Variants in IMMP2L observed in about 807,000 individuals in gnomAD.
IMMP2L encodes mitochondrial inner membrane protease subunit 2.
Under a neutral mutation model 19.3 loss-of-function variants are expected in IMMP2L, and 18 were observed. The ratio of observed to expected loss-of-function variants is 0.93; its 90% CI spans 0.64 to 1.38. The LOEUF is 1.38. Ranked by LOEUF, IMMP2L falls within the 40% of genes most tolerant of loss-of-function variation. The probability of loss-of-function intolerance (pLI) is 0.00; values close to 1 mark genes in which losing one functional copy is unlikely to be tolerated. For synonymous variants in IMMP2L, 76 were observed against 73.0 expected, an observed-to-expected ratio of 1.04 and a Z score of -0.21; for missense variants, 233 against 218.2, an observed-to-expected ratio of 1.07 and a Z score of -0.43.
rs73203033 is a variant in IMMP2L, at chr7:111,542,695, A to G, written c.-3+19156T>C. On this transcript the variant is annotated intron_variant, in intron 1 of 5. Transcript: ENST00000405709. ...ATTTGGAAAAGTGTTCTGAATACAC[A>G]ATTAATTCAATCCACTATGTAAAAG... Among the ~76,000 whole-genome samples the G allele has an allele frequency of 8.3e-3, 1,261 of 152,302 alleles. 17 individuals carry two copies. The highest frequency in any genetic ancestry group is 0.031 in the Middle Eastern group (9 of 294).
intron 5 of IMMP2L, among the ~76,000 whole-genome samples, chr7:110,763,706 C>G (rs1253352339): frequency 6.6e-6 from 1 of 152,042 alleles, no homozygotes; most frequent in Non-Finnish European, 1.5e-5. Context: ...TGATTTAAAG[C>G]AGGGCAATAG....
chr7:110,891,913 A>C (rs891327786), intron 4 of IMMP2L, among the ~76,000 whole-genome samples: 1 of 152,166 alleles, frequency 6.6e-6, no homozygotes, highest in African/African-American at 2.4e-5. Flanking sequence ...AGTTCCAAAG[A>C]AAGAGAATAA....
intron 3 of IMMP2L, among the ~76,000 whole-genome samples, chr7:111,484,824 T>C (rs1842487456): frequency 6.6e-6 from 1 of 152,144 alleles, no homozygotes; most frequent in African/African-American, 2.4e-5. Context: ...GGTCTCACTG[T>C]CACCCAGGCT....
chr7:111,361,915 A>AT (rs372237241), intron 3 of IMMP2L, among the ~76,000 whole-genome samples: 1 of 151,928 alleles, frequency 6.6e-6, no homozygotes, highest in African/African-American at 2.4e-5. Context: ...AATAGTCTTC[A>AT]TTTTTTTTCT....
chr7:111,243,508 T>C (rs113536403), intron 3 of IMMP2L, among the ~76,000 whole-genome samples: 6,472 of 77,582 alleles, frequency 0.083, 208 homozygotes, highest in South Asian at 0.18. Context: ...TATTTCTTGT[T>C]GCTTTATTTT....
rs192970888 is a variant in IMMP2L at position 111,366,027 on chromosome 7, T to G, written c.239+121211A>C. 9.2e-5 allele frequency among the ~76,000 whole-genome samples: 14 copies of G among 152,236 alleles called. 1 individual carries two copies. The highest frequency in any genetic ancestry group is 7.2e-4 in the Admixed American group (11 of 15,260). On this transcript the variant is annotated intron_variant, in intron 3 of 5. Coordinates refer to ENST00000405709, the MANE Select transcript of IMMP2L (RefSeq NM_032549.4). The stretch of plus-strand genomic sequence containing the variant: ...ATACTGGCACTGGTACATCATCATT[T>G]TGCAACCATGACAATAAAGCCTGGT...
chr7:111,284,958 C>T (rs911359418), intron 3 of IMMP2L, among the ~76,000 whole-genome samples: 1 of 152,072 alleles, frequency 6.6e-6, no homozygotes, highest in Non-Finnish European at 1.5e-5. Flanking sequence ...TTAATATGTG[C>T]CATCAGTGAA....
intron 4 of IMMP2L, among the ~76,000 whole-genome samples, chr7:110,928,406 C>T (rs1158947460): frequency 7.2e-6 from 1 of 138,284 alleles, no homozygotes; most frequent in African/African-American, 2.7e-5. Flanking sequence ...CACACAGTTT[C>T]AGCTTCCTAT....
At chr7:111,488,177 A>C (rs990386761) in intron 2 of IMMP2L, among the ~76,000 whole-genome samples, 4 of 152,158 alleles carry the variant, frequency 2.6e-5, no homozygotes, top group African/African-American at 9.6e-5. Context: ...ACTGTTTTTT[A>C]AATTTTTTTT....
At chr7:110,907,200 C>T (rs1384518206) in intron 4 of IMMP2L, among the ~76,000 whole-genome samples, 1 of 152,140 alleles carries the variant, frequency 6.6e-6, no homozygotes, top group Admixed American at 6.5e-5. Flanking sequence ...TTTGCGCCCA[C>T]ACTTACGGCA....
At chr7:111,369,146 C>T (rs992510964) in intron 3 of IMMP2L, among the ~76,000 whole-genome samples, 1 of 151,632 alleles carries the variant, frequency 6.6e-6, no homozygotes, top group Non-Finnish European at 1.5e-5. Context: ...CAATGACAAA[C>T]AGGAATCAAA....
chr7:110,882,208 C>T (rs1014429057), intron 5 of IMMP2L, among the ~76,000 whole-genome samples: 38 of 152,190 alleles, frequency 2.5e-4, no homozygotes, highest in African/African-American at 8.7e-4. Context: ...TTATCTATGA[C>T]CTGAATCTCT....
intron 5 of IMMP2L, among the ~76,000 whole-genome samples, chr7:110,854,326 C>T (rs773528090): frequency 2.1e-4 from 32 of 151,742 alleles, no homozygotes; most frequent in Non-Finnish European, 4.0e-4. Flanking sequence ...TTACTTAATC[C>T]CTCTGGAATG....
intron 3 of IMMP2L, among the ~76,000 whole-genome samples, chr7:111,066,817 G>A: frequency 6.6e-6 from 1 of 152,126 alleles, no homozygotes; most frequent in East Asian, 1.9e-4. Flanking sequence ...GGTAGGGCCT[G>A]GTCACATTAG....
intron 3 of IMMP2L, among the ~76,000 whole-genome samples, chr7:111,046,369 T>C (rs1585935943): frequency 6.6e-6 from 1 of 151,314 alleles, no homozygotes; most frequent in East Asian, 1.9e-4. Flanking sequence ...ATTGAGAAGC[T>C]CCAACATATA....
intron 1 of IMMP2L, among the ~76,000 whole-genome samples, chr7:111,542,756 T>G (rs546846707): frequency 1.3e-5 from 2 of 152,184 alleles, no homozygotes; most frequent in South Asian, 4.2e-4. Flanking sequence ...GGAGAAGGGG[T>G]AGAAAAGGAA....
intron 3 of IMMP2L, among the ~76,000 whole-genome samples, chr7:110,977,114 T>C (rs1820774486): frequency 6.6e-6 from 1 of 151,878 alleles, no homozygotes; most frequent in Non-Finnish European, 1.5e-5. Flanking sequence ...GGTGTTAGGG[T>C]ACAGAAGAAT....
chr7:110,874,561 A>G (rs1808871071), intron 5 of IMMP2L, among the ~76,000 whole-genome samples: 1 of 152,126 alleles, frequency 6.6e-6, no homozygotes, highest in Non-Finnish European at 1.5e-5. Context: ...TCTTGCAATA[A>G]AACAGTAGTT....
intron 2 of IMMP2L, among the ~76,000 whole-genome samples, chr7:111,504,627 T>C (rs942040108): frequency 2.0e-5 from 3 of 152,100 alleles, no homozygotes; most frequent in African/African-American, 7.2e-5. Flanking sequence ...AACAGAGATA[T>C]AGATTAATGG....
Sources: allele counts gnomAD v4.1 joint callset (sites outside exome capture counted in the v4.1 genomes callset), GRCh38; gene constraint gnomAD v4.1.1; transcripts MANE v1.5; gene names NCBI Gene and HGNC (gene_info 2026-07-23, HGNC 2026-07-21).